TTLL8: variants seen among roughly 807,000 people sequenced by gnomAD.
TTLL8 encodes protein monoglycylase TTLL8.
A neutral mutation model predicts 77.8 loss-of-function variants in TTLL8; 65 were observed. The ratio of observed to expected loss-of-function variants is 0.84; its 90% CI spans 0.68 to 1.03. The LOEUF (loss-of-function observed/expected upper bound fraction) is 1.03, where lower values mean the gene tolerates loss of function less well. TTLL8 is among the 50% of genes least tolerant of loss of function. The probability of loss-of-function intolerance (pLI) is 0.00; values close to 1 mark genes in which losing one functional copy is unlikely to be tolerated. For missense variants in TTLL8, 910 were observed against 1,004.5 expected, an observed-to-expected ratio of 0.91 and a Z score of 1.27; for synonymous variants, 402 against 422.8, an observed-to-expected ratio of 0.95 and a Z score of 0.60.
intron 6 of TTLL8, among the ~76,000 whole-genome samples, chr22:50,043,991 T>C (rs568436044): frequency 6.6e-6 from 1 of 152,280 alleles, no homozygotes; most frequent in African/African-American, 2.4e-5. Flanking sequence ...ACCATTTGGG[T>C]TACCATGATG....
At chr22:50,057,497 TGGGGTCAGGTCTGGGTTGG>T (rs1490958294), upstream of TTLL8, among the ~76,000 whole-genome samples, 473 of 32,074 alleles carry the variant, frequency 0.015, 1 homozygote, top group East Asian at 0.034. Context: ...AGGTCTGGGT[TGGGGTCAGGTCTGGGTTGG>T]GGGGTCAGGT....
At chr22:50,033,027 T>A in intron 10 of TTLL8, 175 bp downstream of exon 11, 1 of 585,356 alleles carries the variant, frequency 1.7e-6, no homozygotes. Flanking sequence ...CCTGGGCCTG[T>A]CCCTCGGGGA....
intron 4 of TTLL8, among the ~76,000 whole-genome samples, chr22:50,046,367 C>T (rs2061411748): frequency 6.6e-6 from 1 of 152,226 alleles, no homozygotes; most frequent in Admixed American, 6.5e-5. Context: ...CGGAACGCAG[C>T]CACATGCCCA....
intron 2 of TTLL8, 180 bp downstream of exon 4, chr22:50,049,929 G>A (rs1055731197): frequency 3.8e-6 from 2 of 530,666 alleles, no homozygotes; most frequent in Admixed American, 6.4e-5. Context: ...GAAAGGGTTT[G>A]CCTGGCACGA....
intron 12 of TTLL8, among the ~76,000 whole-genome samples, chr22:50,028,558 C>A (rs927194067): frequency 1.3e-5 from 2 of 152,154 alleles, no homozygotes; most frequent in African/African-American, 4.8e-5. Flanking sequence ...GCGGCAACAC[C>A]TGCGTGCCGT....
At chr22:50,055,436 C>G (rs1407302512), upstream of TTLL8, 1 of 718,674 alleles carries the variant, frequency 1.4e-6, no homozygotes, top group Non-Finnish European at 2.0e-6. Flanking sequence ...GTTGGATCAC[C>G]TGAGGCCAGG....
chr22:50,046,391 C>T (rs943903344), intron 4 of TTLL8, among the ~76,000 whole-genome samples: 1 of 152,236 alleles, frequency 6.6e-6, no homozygotes, highest in African/African-American at 2.4e-5. Flanking sequence ...CTGCCCACCA[C>T]ACGCGAGGTA....
intron 10 of TTLL8, among the ~76,000 whole-genome samples, 152 bp from the exon 12 acceptor site, chr22:50,032,261 G>A (rs1569224645): frequency 6.6e-6 from 1 of 152,230 alleles, no homozygotes; most frequent in South Asian, 2.1e-4. Flanking sequence ...GCCCAGCTGG[G>A]ATGAGCGTTA....
intron 12 of TTLL8, among the ~76,000 whole-genome samples, chr22:50,028,452 C>T (rs893888534): frequency 8.5e-5 from 13 of 152,190 alleles, no homozygotes; most frequent in South Asian, 2.1e-4. Flanking sequence ...GGGCCATAGC[C>T]GCGGGATTGC....
chr22:50,050,315 A>T, intron 1 of TTLL8, 68 bp from the exon 4 acceptor site: 2 of 1,185,314 alleles, frequency 1.7e-6, no homozygotes, highest in Non-Finnish European at 2.3e-6. Flanking sequence ...TTTTGGTTGC[A>T]TGGATAAGCT....
At chr22:50,050,153 G>A in exon 2 of TTLL8, 1 of 1,367,094 alleles carries the variant, frequency 7.3e-7, no homozygotes, top group Non-Finnish European at 9.8e-7. Flanking sequence ...AATGACCTTG[G>A]GCAAAAAGTG....
At position 50,041,444 on chromosome 22, in the gene TTLL8, T is replaced by A. The variant is rs1569229008; in HGVS notation, c.831-167A>T. ...CAGACACCACAATACTCAACAAGCATCCCAGACATCCAGACAGGAGCCCCA... is the reference window on the plus strand; with the variant it reads ...CAGACACCACAATACTCAACAAGCAACCCAGACATCCAGACAGGAGCCCCA... On this transcript the variant is annotated intron_variant, in intron 7 of 13. Coordinates refer to ENST00000266182, the Ensembl canonical transcript of TTLL8. The surrounding 1 kb of genome is among the most constrained non-coding windows in gnomAD (Gnocchi z 4.3). 1.1e-6 allele frequency: 1 copy of A among 899,574 alleles called. No individual in the cohort carries two copies. Among genetic ancestry groups the A allele is most frequent in the African/African-American group, 1.8e-5 (1 of 55,268 alleles). 55.7% of individuals were successfully genotyped at this position (899,574 alleles called of 1,614,324 possible).
intron 9 of TTLL8, among the ~76,000 whole-genome samples, chr22:50,033,732 A>G (rs1383475862): frequency 6.6e-6 from 1 of 152,198 alleles, no homozygotes; most frequent in Non-Finnish European, 1.5e-5. Flanking sequence ...GGACAGAGAC[A>G]CTTTTAAAAG....
intron 10 of TTLL8, 52 bp downstream of exon 11, chr22:50,033,150 G>C: frequency 7.7e-7 from 1 of 1,292,530 alleles, no homozygotes; most frequent in South Asian, 1.2e-5. Flanking sequence ...CAGGCATGCA[G>C]GCAGCAGCCC....
chr22:50,038,029 G>A (rs193287636), intron 8 of TTLL8, among the ~76,000 whole-genome samples: 5 of 151,034 alleles, frequency 3.3e-5, no homozygotes, highest in South Asian at 2.1e-4. Context: ...ACACACACAC[G>A]TTTATTAGGT....
Position 50,030,658 on chromosome 22 carries a change from C to T in TTLL8, c.1975G>A (p.Glu659Lys), listed in dbSNP as rs994592616. 5 of 1,281,894 alleles carry T rather than the reference C, an allele frequency of 3.9e-6. No homozygotes were observed. The African/African-American group carries it at 4.6e-5, about 12-fold the overall frequency. 79.4% of individuals were successfully genotyped at this position (1,281,894 alleles called of 1,614,324 possible). ...GTGGGCTGTGCGGCTCCACCGCTCT[C>T]GGCTGCCCCCCTTAAGGGTGCCAGC... Residue 659 changes from glutamate to lysine, a missense_variant, in exon 12 of 14, where the codon GAG becomes AAG. By Grantham distance (56) the Glu-to-Lys change is moderately conservative. Around this residue, in one of 2 missense-constraint regions of TTLL8, gnomAD observed 776 missense variants for 926.1 expected, o/e 0.84. Transcript: ENST00000266182.
chr22:50,045,212 G>A (rs745537929), intron 6 of TTLL8, 43 bp downstream of exon 8: 14 of 1,331,624 alleles, frequency 1.1e-5, no homozygotes, highest in East Asian at 4.8e-5. Context: ...TGGAGGCCCC[G>A]AGCTCTGGTG....
exon 5 of TTLL8, chr22:50,045,937 A>G (rs757849566): frequency 1.5e-6 from 2 of 1,361,232 alleles, no homozygotes; most frequent in Non-Finnish European, 2.0e-6. Context: ...GGGACGTACC[A>G]GGGCAGGCTC....
rs756864440 is a variant in TTLL8 at position 50,041,249 on chromosome 22, A to G, written c.859T>C (p.Cys287Arg). The G allele has an allele frequency of 2.0e-6, 1 of 498,580 alleles. No individual in the cohort carries two copies. Among genetic ancestry groups the G allele is most frequent in the Non-Finnish European group, 4.0e-6 (1 of 247,876 alleles). The allele number at this position is 498,580 out of a possible 1,614,324, so 30.9% of individuals were successfully genotyped here. A position where few individuals can be genotyped will look rare whatever the true frequency, so the allele number is the denominator to read the frequency against. The change falls in exon 8 of 14, where the codon TGC becomes CGC. Residue 287 changes from cysteine to arginine, a missense_variant. Transcript: ENST00000266182. The surrounding 1 kb of genome is among the most constrained non-coding windows in gnomAD (Gnocchi z 4.3). Reference sequence around the variant, plus strand: ...ATAACCTTCTGGATTTTGAAGATGCACAAGACAATGCTACTCCCCAAAGGC... The same window carrying G: ...ATAACCTTCTGGATTTTGAAGATGCGCAAGACAATGCTACTCCCCAAAGGC...
Sources: gnomAD v4.1 joint callset for allele counts (sites outside exome capture counted in the v4.1 genomes callset) on GRCh38, gnomAD v4.1.1 for gene constraint, gnomAD v4.1.1 regional missense constraint, Gnocchi (gnomAD v3.1) non-coding constraint, MANE v1.5 for transcripts, NCBI Gene and HGNC (gene_info 2026-07-23, HGNC 2026-07-21) for gene names.